Variants in SLC9A7 observed in about 807,000 individuals in gnomAD.
SLC9A7 encodes solute carrier family 9 member A7.
In SLC9A7, 19 loss-of-function variants were observed where a neutral mutation model predicts 52.6. The observed-to-expected ratio is 0.36, with a 90% CI of 0.25 to 0.53. The LOEUF (loss-of-function observed/expected upper bound fraction) is 0.53, where lower values mean the gene tolerates loss of function less well. Among genes scored for constraint, SLC9A7 ranks in the 20% least tolerant of loss-of-function variants. SLC9A7 has a pLI of 0.91. For missense variants in SLC9A7, 455 were observed against 597.9 expected (o/e 0.76, Z 2.49); for synonymous variants, 226 against 252.1 (o/e 0.90, Z 0.98).
At chrX:46,730,383 G>A (rs1195973798) in intron 1 of SLC9A7, among the ~76,000 whole-genome samples, 2 of 109,359 alleles carry the variant, frequency 1.8e-5, no homozygotes, top group Admixed American at 2.0e-4. Flanking sequence ...ATGAGGCTGG[G>A]TGTGGTGGCT....
intron 1 of SLC9A7, among the ~76,000 whole-genome samples, chrX:46,754,541 G>A (rs73200284): frequency 0.03 from 3,395 of 111,409 alleles, 60 homozygotes; most frequent in Non-Finnish European, 0.046. Flanking sequence ...TCATGTTACC[G>A]CAAAGAGTCA....
chrX:46,620,037 C>T (rs903270460), intron 15 of SLC9A7, among the ~76,000 whole-genome samples: 1 of 112,096 alleles, frequency 8.9e-6, no homozygotes, highest in African/African-American at 3.2e-5. Flanking sequence ...TGTATATCTA[C>T]TATACTTCAA....
At position 46,669,619 on chromosome X, in the gene SLC9A7, C is replaced by A; in HGVS notation, c.781G>T (p.Ala261Ser). The A allele has an allele frequency of 8.7e-7, 1 of 1,146,258 alleles. No individual in the cohort carries two copies. Among genetic ancestry groups the A allele is most frequent in the Non-Finnish European group, 1.2e-6 (1 of 850,156 alleles). The allele number at this position is 1,146,258 out of a possible 1,213,427, so 94.5% of individuals were successfully genotyped here. A position where few individuals can be genotyped will look rare whatever the true frequency, so the allele number is the denominator to read the frequency against. ...CAAAGCCAAATACCTGGGTCAGTGG[C>A]AGAGATGATTGCTCCAAAAAAGAGA... Reference protein sequence around the residue: ...DCLFFGAIISATDPVTVLAIF... With the variant: ...DCLFFGAIISSTDPVTVLAIF... The change falls in exon 5 of 17, where the codon GCC becomes TCC. Residue 261 changes from alanine to serine, a missense_variant. This residue lies in a region of SLC9A7 where 304 missense variants were observed against 417.8 expected (regional missense o/e 0.73). Transcript: ENST00000616978.
At chrX:46,632,482 C>T (rs1230127159) in intron 13 of SLC9A7, among the ~76,000 whole-genome samples, 1 of 111,440 alleles carries the variant, frequency 9.0e-6, no homozygotes, top group African/African-American at 3.3e-5. Flanking sequence ...GGCCACAGCC[C>T]AACATCTGAA....
At chrX:46,710,960 G>A (rs959013620) in intron 1 of SLC9A7, among the ~76,000 whole-genome samples, 6 of 112,617 alleles carry the variant, frequency 5.3e-5, no homozygotes, top group Admixed American at 9.3e-5. Flanking sequence ...TAAATTAATC[G>A]ATTGGCACTC....
Position 46,643,405 on chromosome X carries a change from A to G in SLC9A7, c.1463-16T>C, listed in dbSNP as rs182150643. On this transcript the variant is annotated splice_polypyrimidine_tract_variant and intron_variant, in intron 11 of 16. Transcript: ENST00000616978. ...CCCCTGAGGCCTGCGGGGACCAAAGAAGAAGATCTACTTATAAGGATTAAA... is the reference window on the plus strand; with the variant it reads ...CCCCTGAGGCCTGCGGGGACCAAAGGAGAAGATCTACTTATAAGGATTAAA... 277 of 1,186,654 alleles carry G rather than the reference A, an allele frequency of 2.3e-4. 2 individuals are homozygous for G. Among genetic ancestry groups the G allele is most frequent in the Non-Finnish European group, 9.4e-5 (82 of 876,639 alleles).
At chrX:46,725,518 C>T (rs1796227908) in intron 1 of SLC9A7, 2 of 952,097 alleles carry the variant, frequency 2.1e-6, no homozygotes, top group Admixed American at 2.2e-5. Context: ...GTCTTGGTGT[C>T]CTTCAATGAC....
chrX:46,691,802 A>G (rs1180936887), intron 1 of SLC9A7, among the ~76,000 whole-genome samples: 1 of 111,279 alleles, frequency 9.0e-6, no homozygotes, highest in Admixed American at 9.6e-5. Context: ...GGCACAGGAC[A>G]CCATAACTTC....
chrX:46,670,465 CAT>C (rs1259612142), intron 4 of SLC9A7, among the ~76,000 whole-genome samples: 3 of 111,202 alleles, frequency 2.7e-5, no homozygotes, highest in Non-Finnish European at 5.7e-5. Context: ...AGGTCTAGTA[CAT>C]GTTACAAGGG....
chrX:46,695,723 A>G (rs1253132289), intron 1 of SLC9A7, among the ~76,000 whole-genome samples: 1 of 110,502 alleles, frequency 9.0e-6, no homozygotes, highest in Non-Finnish European at 1.9e-5. Flanking sequence ...GCTCCATGGA[A>G]GGTGGGGTGT....
Position 46,605,249 on chromosome X carries a change from T to A in SLC9A7, c.*1703A>T, listed in dbSNP as rs1457591945. 1.8e-5 allele frequency: 2 copies of A among 109,150 alleles called. No individual in the cohort carries two copies. The highest frequency in any genetic ancestry group is 6.6e-5 in the African/African-American group (2 of 30,079). 9.0% of individuals were successfully genotyped at this position (109,150 alleles called of 1,213,427 possible). ...AGAAAAGCCCACGTTATTGAAAGCA[T>A]TTTTTAGAAATTGGGTTGCCAAAAA... On this transcript the variant is annotated 3_prime_UTR_variant, in exon 17 of 17. Coordinates refer to ENST00000616978, the MANE Select transcript of SLC9A7 (RefSeq NM_001257291.2).
At chrX:46,628,083 T>TA (rs748588700) in intron 14 of SLC9A7, among the ~76,000 whole-genome samples, 41 of 112,594 alleles carry the variant, frequency 3.6e-4, no homozygotes, top group Non-Finnish European at 6.8e-4. Context: ...ACTCCATTAA[T>TA]ATCCGGCTTG....
chrX:46,645,834 C>T (rs908405547), intron 11 of SLC9A7, among the ~76,000 whole-genome samples: 1 of 110,857 alleles, frequency 9.0e-6, no homozygotes, highest in South Asian at 3.8e-4. Flanking sequence ...CTAAAATACA[C>T]AGCAGGAGGC....
At chrX:46,654,359 G>C (rs1250305053) in intron 7 of SLC9A7, among the ~76,000 whole-genome samples, 2 of 110,739 alleles carry the variant, frequency 1.8e-5, no homozygotes, top group African/African-American at 6.6e-5. Flanking sequence ...CTCCAGCCTG[G>C]GTGACAGAGT....
intron 1 of SLC9A7, among the ~76,000 whole-genome samples, chrX:46,719,034 T>C (rs911793378): frequency 1.8e-5 from 2 of 111,489 alleles, no homozygotes; most frequent in African/African-American, 6.5e-5. Context: ...ATAGCAGACT[T>C]GGAGCCAACC....
Position 46,662,075 on chromosome X carries a change from G to C in SLC9A7, c.982C>G (p.Leu328Val), listed in dbSNP as rs759786208. 4.0e-5 allele frequency: 48 copies of C among 1,204,244 alleles called. No individual in the cohort carries two copies. Among genetic ancestry groups the C allele is most frequent in the Admixed American group, 6.6e-5 (3 of 45,553 alleles). Residue 328 changes from leucine to valine, a missense_variant, in exon 7 of 17, where the codon CTA becomes GTA. This residue lies in a region of SLC9A7 where 304 missense variants were observed against 417.8 expected (regional missense o/e 0.73). Coordinates refer to ENST00000616978, the MANE Select transcript of SLC9A7 (RefSeq NM_001257291.2). ...GTAAAAGAGCCACTAAATATACCTA[G>C]AAAAATGCCAACTGACTTAAAAAAG... ...AAFFKSVGIF[L>V]GIFSGSFTMG... is the part of the protein sequence containing the mutation.
chrX:46,671,481 G>C (rs1001592159), intron 4 of SLC9A7, among the ~76,000 whole-genome samples: 3 of 109,025 alleles, frequency 2.8e-5, no homozygotes, highest in Non-Finnish European at 1.9e-5. Context: ...ATGTTAGCCA[G>C]GATGGTCTCG....
rs1942636982 is a variant in SLC9A7, at chrX:46,600,034, A to T, written c.*6918T>A. The T allele has an allele frequency of 8.9e-6, 1 of 112,322 alleles. No homozygotes were observed. Among genetic ancestry groups the T allele is most frequent in the Non-Finnish European group, 1.9e-5 (1 of 53,298 alleles). 9.3% of individuals were successfully genotyped at this position (112,322 alleles called of 1,213,427 possible). ...TATTTTATGTGAAAAACAAAAGGAC[A>T]ACTTAGGAGGAGCTGGCCCTACTAT... is the stretch of plus-strand genomic sequence containing the variant. On this transcript the variant is annotated 3_prime_UTR_variant, in exon 17 of 17. Coordinates refer to ENST00000616978, the MANE Select transcript of SLC9A7 (RefSeq NM_001257291.2).
At chrX:46,629,864 G>A (rs922673290) in intron 14 of SLC9A7, among the ~76,000 whole-genome samples, 4 of 111,583 alleles carry the variant, frequency 3.6e-5, no homozygotes, top group Non-Finnish European at 7.5e-5. Context: ...AATTAGCCTC[G>A]AGGTGCTCAG....
Sources: allele counts gnomAD v4.1 joint callset (sites outside exome capture counted in the v4.1 genomes callset), GRCh38; gene constraint gnomAD v4.1.1; regional missense constraint gnomAD v4.1.1; transcripts MANE v1.5; gene names NCBI Gene and HGNC (gene_info 2026-07-23, HGNC 2026-07-21).